BCAR3: variants seen among roughly 807,000 people sequenced by gnomAD.
BCAR3 encodes the protein BCAR3 adaptor protein, NSP family member, also known as breast cancer anti-estrogen resistance protein 3.
Under a neutral mutation model 80.1 loss-of-function variants are expected in BCAR3, and 37 were observed. The observed-to-expected ratio is 0.46, with a 90% CI of 0.36 to 0.61. The LOEUF is 0.61. Among genes scored for constraint, BCAR3 ranks in the 20% least tolerant of loss-of-function variants. The pLI, the probability that BCAR3 is intolerant of heterozygous loss-of-function variation, is 0.00. For missense variants in BCAR3, 978 were observed against 1,068.2 expected (o/e 0.92, Z 1.18); for synonymous variants, 389 against 418.9 (o/e 0.93, Z 0.87).
At position 93,586,334 on chromosome 1, in the gene BCAR3, TTAACA is replaced by T. The variant is rs1198407330; in HGVS notation, c.930-2218_930-2214del. On this transcript the variant is annotated intron_variant, in intron 5 of 11. Transcript: ENST00000260502. The surrounding 1 kb of genome is among the most constrained non-coding windows in gnomAD (Gnocchi z 4.2). The stretch of plus-strand genomic sequence containing the variant: ...TCTTTCTGTGTCTGGCTTATTTCAC[TTAACA>T]TAATGATCTCCAATTCCATCCACGT... Among the ~76,000 whole-genome samples the T allele has an allele frequency of 6.6e-6, 1 of 152,218 alleles. No individual in the cohort carries two copies. The highest frequency in any genetic ancestry group is 1.5e-5 in the Non-Finnish European group (1 of 68,038).
At chr1:93,702,956 A>G (rs1368954439) in intron 3 of BCAR3, among the ~76,000 whole-genome samples, 1 of 152,222 alleles carries the variant, frequency 6.6e-6, no homozygotes, top group Non-Finnish European at 1.5e-5. Flanking sequence ...ATCTCTGGGC[A>G]GCAGATGAAC....
chr1:93,614,168 C>T, intron 3 of BCAR3: 1 of 1,287,094 alleles, frequency 7.8e-7, no homozygotes, highest in Non-Finnish European at 9.8e-7. Context: ...GTCCAGCCTG[C>T]CATGCACACA....
intron 2 of BCAR3, among the ~76,000 whole-genome samples, chr1:93,815,724 T>C (rs150668955): frequency 6.6e-6 from 1 of 152,332 alleles, no homozygotes; most frequent in East Asian, 1.9e-4. Context: ...GAAAGGGCCA[T>C]GTACATTTGT....
At chr1:93,662,590 G>A (rs1647715553) in intron 2 of BCAR3, among the ~76,000 whole-genome samples, 1 of 151,894 alleles carries the variant, frequency 6.6e-6, no homozygotes. Flanking sequence ...TGAAAACAGG[G>A]GACACAGCCT....
At chr1:93,711,421 G>A (rs1435393616) in intron 2 of BCAR3, among the ~76,000 whole-genome samples, 3 of 152,176 alleles carry the variant, frequency 2.0e-5, no homozygotes, top group African/African-American at 7.2e-5. Context: ...CTAGCCTGGG[G>A]GAGTCCACGT....
chr1:93,730,411 C>T (rs988880566), intron 2 of BCAR3, among the ~76,000 whole-genome samples: 3 of 152,204 alleles, frequency 2.0e-5, no homozygotes, highest in African/African-American at 7.2e-5. Context: ...TTCCAGCCCG[C>T]CACACCTGGG....
At chr1:93,796,437 C>G (rs1490340809) in intron 2 of BCAR3, among the ~76,000 whole-genome samples, 1 of 147,902 alleles carries the variant, frequency 6.8e-6, no homozygotes, top group African/African-American at 2.6e-5. Flanking sequence ...GTCCGTCACC[C>G]CTTTCTTTGA....
chr1:93,639,089 A>G (rs563353901), intron 3 of BCAR3, among the ~76,000 whole-genome samples: 2 of 152,280 alleles, frequency 1.3e-5, no homozygotes, highest in Admixed American at 1.3e-4. Flanking sequence ...TGGACAAGGT[A>G]AAAGAGCTGC....
intron 2 of BCAR3, among the ~76,000 whole-genome samples, chr1:93,714,905 A>G (rs1346297019): frequency 2.0e-5 from 3 of 152,242 alleles, no homozygotes; most frequent in Non-Finnish European, 2.9e-5. Flanking sequence ...CAGACCAGAA[A>G]GATTTCTCAG....
intron 2 of BCAR3, among the ~76,000 whole-genome samples, chr1:93,836,317 C>T (rs1372901748): frequency 6.6e-6 from 1 of 152,186 alleles, no homozygotes; most frequent in African/African-American, 2.4e-5. Flanking sequence ...GCTGAACCCC[C>T]TTGGGCACTC....
rs146136970 is a variant in BCAR3, at chr1:93,576,079, C to T, written c.1737G>A (p.Val579=). 6.2e-7 allele frequency: 1 copy of T among 1,614,056 alleles called. No homozygotes were observed. Among genetic ancestry groups the T allele is most frequent in the African/African-American group, 1.3e-5 (1 of 74,892 alleles). Residue 579 remains valine (V), a synonymous_variant, in exon 8 of 12, where the codon GTG becomes GTA. Coordinates refer to ENST00000260502, the MANE Select transcript of BCAR3 (RefSeq NM_003567.4). Reference sequence around the variant, plus strand: ...AGGTAATGAGTTCCAGGCCTGAGCTCACCCCCATGTTCCTCCTCATCTCTT... The same window carrying T: ...AGGTAATGAGTTCCAGGCCTGAGCTTACCCCCATGTTCCTCCTCATCTCTT... The part of the protein sequence containing the change: ...VSEEMRRNMG[V]SSGLELITLP...
intron 3 of BCAR3, among the ~76,000 whole-genome samples, chr1:93,703,581 A>T (rs1048249546): frequency 6.6e-6 from 1 of 152,078 alleles, no homozygotes; most frequent in Non-Finnish European, 1.5e-5. Flanking sequence ...AGAAAAAAAA[A>T]AAAAAGAGAT....
intron 3 of BCAR3, among the ~76,000 whole-genome samples, chr1:93,634,723 A>C (rs566269865): frequency 0.016 from 2,449 of 149,656 alleles, 33 homozygotes; most frequent in Non-Finnish European, 0.023. Flanking sequence ...ACAACAACAA[A>C]AAAAAAACGG....
chr1:93,667,154 C>T (rs1647955998), intron 2 of BCAR3, among the ~76,000 whole-genome samples: 1 of 152,232 alleles, frequency 6.6e-6, no homozygotes, highest in South Asian at 2.1e-4. Context: ...TCACTAGTGG[C>T]TTTCTTTGAT....
At chr1:93,816,800 CTAG>C (rs1489910795) in intron 2 of BCAR3, among the ~76,000 whole-genome samples, 1 of 151,720 alleles carries the variant, frequency 6.6e-6, no homozygotes, top group African/African-American at 2.4e-5. Context: ...ACCACCATAG[CTAG>C]GAACAAGATA....
At chr1:93,639,325 C>T (rs1675905539) in intron 3 of BCAR3, among the ~76,000 whole-genome samples, 2 of 152,146 alleles carry the variant, frequency 1.3e-5, no homozygotes, top group Admixed American at 1.3e-4. Context: ...GCAGTCCCCT[C>T]GCCCCACGAG....
intron 2 of BCAR3, among the ~76,000 whole-genome samples, chr1:93,656,963 T>C (rs1487681039): frequency 6.6e-6 from 1 of 152,194 alleles, no homozygotes; most frequent in Non-Finnish European, 1.5e-5. Flanking sequence ...TATGGTTGTT[T>C]CTGAAAGGGA....
intron 3 of BCAR3, among the ~76,000 whole-genome samples, chr1:93,630,470 A>C (rs1046995703): frequency 6.6e-6 from 1 of 151,808 alleles, no homozygotes; most frequent in South Asian, 2.1e-4. Flanking sequence ...CTAAAAAAAA[A>C]AAAAAATACA....
chr1:93,747,713 C>T (rs1651407285), intron 2 of BCAR3, among the ~76,000 whole-genome samples: 1 of 151,582 alleles, frequency 6.6e-6, no homozygotes, highest in Non-Finnish European at 1.5e-5. Context: ...TGTTACTTTG[C>T]TCTTTAGAAT....
Sources: allele counts gnomAD v4.1 joint callset (sites outside exome capture counted in the v4.1 genomes callset), GRCh38; gene constraint gnomAD v4.1.1; non-coding constraint Gnocchi (gnomAD v3.1); transcripts MANE v1.5; gene names NCBI Gene and HGNC (gene_info 2026-07-23, HGNC 2026-07-21).